The following LRRC9 variants were observed in gnomAD, a reference collection of about 807,000 sequenced individuals.
LRRC9 encodes leucine rich repeat containing 9.
Under a neutral mutation model 63.2 loss-of-function variants are expected in LRRC9, and 122 were observed. The ratio of observed to expected loss-of-function variants is 1.93; its 90% CI spans 1.67 to 2.24. The LOEUF (loss-of-function observed/expected upper bound fraction) is 2.24, where lower values mean the gene tolerates loss of function less well. LRRC9 is among the 30% of genes most tolerant of loss of function. The pLI is 0.00. For missense variants in LRRC9, 1,071 were observed against 627.7 expected (o/e 1.71, Z -7.55); for synonymous variants, 366 against 213.1 (o/e 1.72, Z -6.25).
intron 17 of LRRC9, among the ~76,000 whole-genome samples, chr14:59,995,488 G>C (rs1219964342): frequency 6.6e-6 from 1 of 152,136 alleles, no homozygotes; most frequent in Non-Finnish European, 1.5e-5. Context: ...GAATAAACCA[G>C]TATCCCAAGA....
intron 8 of LRRC9, among the ~76,000 whole-genome samples, chr14:59,957,521 A>G (rs546024576): frequency 1.3e-5 from 2 of 152,212 alleles, no homozygotes; most frequent in African/African-American, 2.4e-5. Flanking sequence ...TCTAGTTAGC[A>G]GTTCCTGTAA....
intron 1 of LRRC9, among the ~76,000 whole-genome samples, chr14:59,921,417 T>C (rs1023491177): frequency 1.3e-5 from 2 of 151,854 alleles, no homozygotes; most frequent in Admixed American, 6.6e-5. Flanking sequence ...GGGGAGGTGA[T>C]GAGGGCCTGA....
At chr14:59,980,538 T>C (rs2140095383) in intron 15 of LRRC9, among the ~76,000 whole-genome samples, 1 of 152,324 alleles carries the variant, frequency 6.6e-6, no homozygotes, top group African/African-American at 2.4e-5. Context: ...AATATCCTAT[T>C]AAAATATGAT....
exon 18 of LRRC9, chr14:59,997,787 G>A: frequency 1.4e-6 from 1 of 702,176 alleles, no homozygotes; most frequent in Non-Finnish European, 2.6e-6. Context: ...AAATAAATAT[G>A]TTATGCAAAC....
intron 8 of LRRC9, among the ~76,000 whole-genome samples, chr14:59,951,812 G>A (rs1279395896): frequency 3.3e-5 from 5 of 152,180 alleles, no homozygotes; most frequent in Non-Finnish European, 5.9e-5. Flanking sequence ...TAGGCTGCTC[G>A]GGGGTCAGGG....
intron 17 of LRRC9, among the ~76,000 whole-genome samples, chr14:59,996,210 C>G (rs575209377): frequency 6.7e-6 from 1 of 149,222 alleles, no homozygotes; most frequent in African/African-American, 2.5e-5. Flanking sequence ...TTTTTTTTTT[C>G]TAAAGTTATG....
chr14:60,007,176 C>T (rs1816963103), intron 22 of LRRC9, among the ~76,000 whole-genome samples: 1 of 152,136 alleles, frequency 6.6e-6, no homozygotes, highest in African/African-American at 2.4e-5. Flanking sequence ...TACAATATTA[C>T]TAGGACTTTA....
chr14:60,063,256 T>A, intron 31 of LRRC9, 67 bp from the exon 33 acceptor site: 1 of 680,338 alleles, frequency 1.5e-6, no homozygotes, highest in Non-Finnish European at 2.6e-6. Flanking sequence ...AGAATTACCT[T>A]AAGTTAGCTG....
rs1405431148 is a variant in LRRC9, at chr14:59,967,084, A to G, written c.1389-12A>G. The G allele has an allele frequency of 3.3e-6, 2 of 606,298 alleles. No individual in the cohort carries two copies. The highest frequency in any genetic ancestry group is 3.8e-5 in the South Asian group (2 of 52,492). The allele number at this position is 606,298 out of a possible 1,614,324, so 37.6% of individuals were successfully genotyped here. A position where few individuals can be genotyped will look rare whatever the true frequency, so the allele number is the denominator to read the frequency against. ...CAATCCTCAAACTTTTTCTGTTTCA[A>G]TTATTCTTAAGGAGCTACCGAAGGA... On this transcript the variant is annotated splice_polypyrimidine_tract_variant and intron_variant, in intron 11 of 31. Transcript: ENST00000445360.
intron 17 of LRRC9, among the ~76,000 whole-genome samples, chr14:59,994,305 A>C (rs1888498618): frequency 1.3e-5 from 2 of 152,212 alleles, no homozygotes; most frequent in Non-Finnish European, 2.9e-5. Flanking sequence ...TCAAAACCAC[A>C]ATGAGATACC....
At chr14:59,937,095 C>T (rs148048600) in intron 6 of LRRC9, among the ~76,000 whole-genome samples, 6 of 151,312 alleles carry the variant, frequency 4.0e-5, no homozygotes, top group African/African-American at 2.4e-5. Context: ...TTATTTAGTG[C>T]CTGCTGTGTT....
intron 31 of LRRC9, among the ~76,000 whole-genome samples, chr14:60,061,009 A>T (rs1416639444): frequency 6.6e-6 from 1 of 152,204 alleles, no homozygotes; most frequent in Non-Finnish European, 1.5e-5. Context: ...CAATCTCATG[A>T]TCAAACTTGA....
rs1351550962 is a variant in LRRC9 at position 59,966,735 on chromosome 14, T to G, written c.1358T>G (p.Phe453Cys). The change falls in exon 11 of 32, where the codon TTT becomes TGT. Residue 453 changes from phenylalanine to cysteine, a missense_variant. Phe to Cys is a radical substitution (Grantham distance 205). Coordinates refer to ENST00000445360, the Ensembl canonical transcript of LRRC9. The surrounding 1 kb of genome is among the most constrained non-coding windows in gnomAD (Gnocchi z 4.0). Reference sequence around the variant, plus strand: ...AAATTCGAAGAGAAATTTCAAAAGTTTTTGGAGAATGAAGATATGCATGAT... The same window carrying G: ...AAATTCGAAGAGAAATTTCAAAAGTGTTTGGAGAATGAAGATATGCATGAT... 1.5e-6 allele frequency: 1 copy of G among 679,446 alleles called. No individual in the cohort carries two copies. Among genetic ancestry groups the G allele is most frequent in the East Asian group, 2.7e-5 (1 of 37,030 alleles). 42.1% of individuals were successfully genotyped at this position (679,446 alleles called of 1,614,324 possible).
intron 27 of LRRC9, among the ~76,000 whole-genome samples, chr14:60,026,769 T>A (rs1044206628): frequency 6.6e-6 from 1 of 152,076 alleles, no homozygotes; most frequent in African/African-American, 2.4e-5. Flanking sequence ...TTTTCCCCAA[T>A]GTGTGTTCTT....
chr14:60,059,184 A>C (rs540717781), intron 31 of LRRC9: 2 of 152,242 alleles, frequency 1.3e-5, no homozygotes, highest in Admixed American at 1.3e-4. Flanking sequence ...TTTTTTACAA[A>C]TTGTAGGTTT....
At chr14:59,952,699 G>A (rs1185872324) in intron 8 of LRRC9, among the ~76,000 whole-genome samples, 1 of 152,100 alleles carries the variant, frequency 6.6e-6, no homozygotes, top group Non-Finnish European at 1.5e-5. Flanking sequence ...ATGCAGGTTT[G>A]TTACATAGGT....
intron 22 of LRRC9, 151 bp from the exon 23 acceptor site, chr14:60,007,941 A>T (rs1219433504): frequency 0.078 from 21 of 270 alleles, no homozygotes; most frequent in Non-Finnish European, 0.12. Context: ...CCATGTCTTT[A>T]AAAAAAAAAA....
chr14:60,007,943 A>C, intron 22 of LRRC9, 149 bp from the exon 23 acceptor site: 1 of 7,446 alleles, frequency 1.3e-4, no homozygotes, highest in Non-Finnish European at 4.1e-4. Flanking sequence ...ATGTCTTTAA[A>C]AAAAAAAAAA....
intron 12 of LRRC9, among the ~76,000 whole-genome samples, chr14:59,971,182 G>T (rs1449987589): frequency 6.6e-6 from 1 of 152,104 alleles, no homozygotes; most frequent in Non-Finnish European, 1.5e-5. Context: ...TTATTGAATA[G>T]GGGTTCCTGT....
Sources: allele counts gnomAD v4.1 joint callset (sites outside exome capture counted in the v4.1 genomes callset), GRCh38; gene constraint gnomAD v4.1.1; non-coding constraint Gnocchi (gnomAD v3.1); transcripts MANE v1.5; gene names NCBI Gene and HGNC (gene_info 2026-07-23, HGNC 2026-07-21).